Variants in SLC66A2 observed in about 807,000 individuals in gnomAD.
SLC66A2 encodes the protein PQ loop repeat containing 1.
SLC66A2 carries 23 observed loss-of-function variants against 25.5 expected under a neutral mutation model. The observed-to-expected ratio is 0.90, with a 90% confidence interval of 0.65 to 1.28. SLC66A2 has a LOEUF of 1.28. Among genes scored for constraint, SLC66A2 ranks in the 50% most tolerant of loss-of-function variants. The probability of loss-of-function intolerance (pLI) is 0.00; values close to 1 mark genes in which losing one functional copy is unlikely to be tolerated. For missense variants in SLC66A2, 396 were observed against 373.1 expected (o/e 1.06, Z -0.51); for synonymous variants, 193 against 166.5 (o/e 1.16, Z -1.23).
rs1274908635 is a variant in SLC66A2 at position 79,951,005 on chromosome 18, G to A, written c.-79C>T. 5 of 1,163,058 alleles carry A rather than the reference G, an allele frequency of 4.3e-6. No individual in the cohort carries two copies. Among genetic ancestry groups the A allele is most frequent in the African/African-American group, 1.6e-5 (1 of 60,826 alleles). 72.0% of individuals were successfully genotyped at this position (1,163,058 alleles called of 1,614,324 possible). A position where few individuals can be genotyped will look rare whatever the true frequency, so the allele number is the denominator to read the frequency against. ...GGCCGCCTGCTCATCGCCGCTCCGC[G>A]CGCTCCTGCGGCCTCGGGGCCTGCG... On this transcript the variant is annotated 5_prime_UTR_variant, in exon 2 of 6. Transcript: ENST00000397778.
intron 4 of SLC66A2, among the ~76,000 whole-genome samples, chr18:79,932,237 TAA>T (rs1339994078): frequency 6.6e-6 from 1 of 152,072 alleles, no homozygotes; most frequent in Non-Finnish European, 1.5e-5. Flanking sequence ...AGGATGCAGG[TAA>T]AGCACCTGCT....
chr18:79,904,769 C>T lies in SLC66A2; in HGVS notation c.609-586G>A, dbSNP rs8085241. 0.9 allele frequency among the ~76,000 whole-genome samples: 136,821 copies of T among 152,222 alleles called. 63,366 individuals carry two copies. Among genetic ancestry groups the T allele is most frequent in the East Asian group, 1 (5,176 of 5,176 alleles). On this transcript the variant is annotated intron_variant, in intron 5 of 5. Transcript: ENST00000397778. The surrounding 1 kb of genome is among the most constrained non-coding windows in gnomAD (Gnocchi z 6.3). The stretch of plus-strand genomic sequence containing the variant: ...AGGGAGCAGCCGCCACCCACCATCC[C>T]AGTCCGAACACGCTTCCCCCACCGC...
chr18:79,909,744 A>G (rs1599490382), intron 5 of SLC66A2, among the ~76,000 whole-genome samples: 1 of 74,520 alleles, frequency 1.3e-5, no homozygotes. Flanking sequence ...CCACCACCTC[A>G]CCAGAGTCCC....
At position 79,918,132 on chromosome 18, in the gene SLC66A2, C is replaced by T. The variant is rs879925486; in HGVS notation, c.608+1052G>A. On this transcript the variant is annotated intron_variant, in intron 5 of 5. Transcript: ENST00000397778. The surrounding 1 kb of genome is among the most constrained non-coding windows in gnomAD (Gnocchi z 4.0). ...GGCAACTGAACCTACACACAACCCCCGGCCCTCACACCTCTGCCCACACGC... is the reference window on the plus strand; with the variant it reads ...GGCAACTGAACCTACACACAACCCCTGGCCCTCACACCTCTGCCCACACGC... Among the ~76,000 whole-genome samples, 13 of 152,248 alleles carry T rather than the reference C, an allele frequency of 8.5e-5. No individual in the cohort carries two copies. In the South Asian group the frequency reaches 1.5e-3, roughly 17 times the overall value.
At chr18:79,942,892 C>CTG (rs1479936024) in intron 3 of SLC66A2, among the ~76,000 whole-genome samples, 1 of 152,194 alleles carries the variant, frequency 6.6e-6, no homozygotes, top group Non-Finnish European at 1.5e-5. Flanking sequence ...TTAACAAGGT[C>CTG]TGTGAGGAAG....
rs1017273749 is a variant in SLC66A2 at position 79,927,853 on chromosome 18, G to A, written c.391+6116C>T. On this transcript the variant is annotated intron_variant, in intron 4 of 5. Coordinates refer to ENST00000397778, the MANE Select transcript of SLC66A2 (RefSeq NM_025078.5). The surrounding 1 kb of genome is among the most constrained non-coding windows in gnomAD (Gnocchi z 6.2). Reference sequence around the variant, plus strand: ...AACCCAAGGCTGCCCAGACAGACAAGCGCTCACCGCCGCACTGCCCTAACA... The same window carrying A: ...AACCCAAGGCTGCCCAGACAGACAAACGCTCACCGCCGCACTGCCCTAACA... Among the ~76,000 whole-genome samples, 1 of 152,252 alleles carries A rather than the reference G, an allele frequency of 6.6e-6. No homozygotes were observed. The highest frequency in any genetic ancestry group is 1.5e-5 in the Non-Finnish European group (1 of 68,052).
At chr18:79,924,598 A>G (rs533077561) in intron 4 of SLC66A2, among the ~76,000 whole-genome samples, 6 of 152,332 alleles carry the variant, frequency 3.9e-5, no homozygotes, top group Admixed American at 2.6e-4. Flanking sequence ...TATGTAAATT[A>G]TATCTCTAAT....
chr18:79,926,200 GC>G (rs1201338443), intron 4 of SLC66A2, among the ~76,000 whole-genome samples: 6 of 152,238 alleles, frequency 3.9e-5, no homozygotes, highest in Non-Finnish European at 8.8e-5. Context: ...GCAACCAGCA[GC>G]CCTTGGGGCT....
rs773606862 is a variant in SLC66A2, at chr18:79,904,174, C to T, written c.618G>A (p.Met206Ile). 2 of 1,612,828 alleles carry T rather than the reference C, an allele frequency of 1.2e-6. No individual in the cohort carries two copies. Among genetic ancestry groups the T allele is most frequent in the South Asian group, 2.2e-5 (2 of 91,076 alleles). The change falls in exon 6 of 6, where the codon ATG (methionine) becomes ATA (isoleucine). Residue 206 changes from methionine (M) to isoleucine (I), a missense_variant. By Grantham distance (10) the Met-to-Ile change is conservative. Coordinates refer to ENST00000397778, the MANE Select transcript of SLC66A2 (RefSeq NM_025078.5). This position sits in a 1 kb window ranked among gnomAD's most constrained non-coding sequence, Gnocchi z 6.3. ...CGTCACCACTGGTCCACATGAGCAC[C>T]ATCTTGATGCTGTGGAGACACAAGC... ...HQSTEGMSIK[M>I]VLMWTSGDAF...
chr18:79,903,553 C>T lies in SLC66A2; in HGVS notation c.*423G>A, dbSNP rs889190664. 3.2e-5 allele frequency: 6 copies of T among 187,882 alleles called. No individual in the cohort carries two copies. The highest frequency in any genetic ancestry group is 1.7e-4 in the East Asian group (1 of 5,932). The allele number at this position is 187,882 out of a possible 1,614,324, so 11.6% of individuals were successfully genotyped here. A position where few individuals can be genotyped will look rare whatever the true frequency, so the allele number is the denominator to read the frequency against. On this transcript the variant is annotated 3_prime_UTR_variant, in exon 6 of 6. Transcript: ENST00000397778. ...GTGTCTGGCCAGGGTGTCACGGGGTCGAGGGCTCCGCTCACAGGCCTTACA... is the reference window on the plus strand; with the variant it reads ...GTGTCTGGCCAGGGTGTCACGGGGTTGAGGGCTCCGCTCACAGGCCTTACA...
intron 1 of SLC66A2, 112 bp downstream of exon 1, chr18:79,951,469 C>A: frequency 6.6e-6 from 1 of 152,392 alleles, no homozygotes; most frequent in Non-Finnish European, 1.5e-5. Flanking sequence ...GGCCGGGGAC[C>A]CCACAGGACC....
In SLC66A2 at chr18:79,904,673, C is replaced by G. The variant is rs970531963; in HGVS notation, c.609-490G>C. On this transcript the variant is annotated intron_variant, in intron 5 of 5. Transcript: ENST00000397778. The surrounding 1 kb of genome is among the most constrained non-coding windows in gnomAD (Gnocchi z 6.3). ...AGGCACACAGCCAAGTGGAGCAGAG[C>G]AGCTGCTTTTGGGTCTCTGCCGGCC... Among the ~76,000 whole-genome samples, 2 of 152,150 alleles carry G rather than the reference C, an allele frequency of 1.3e-5. No homozygotes were observed. The highest frequency in any genetic ancestry group is 4.1e-4 in the South Asian group (2 of 4,834).
Position 79,904,086 on chromosome 18 carries a change from G to A in SLC66A2, c.706C>T (p.Leu236=). The change falls in exon 6 of 6, where the codon CTG becomes TTG. Residue 236 remains leucine (L), a synonymous_variant. Coordinates refer to ENST00000397778, the MANE Select transcript of SLC66A2 (RefSeq NM_025078.5). The surrounding 1 kb of genome is among the most constrained non-coding windows in gnomAD (Gnocchi z 6.3). ...APLQFSVCGL[L]QVLVDLAILG... is the part of the protein sequence containing the mutation. The stretch of plus-strand genomic sequence containing the variant: ...ATGGCCAGGTCCACCAGCACCTGCA[G>A]CAGGCCGCACACGGAGAACTGCAGA... The A allele has an allele frequency of 6.2e-7, 1 of 1,612,680 alleles. No homozygotes were observed. The highest frequency in any genetic ancestry group is 8.5e-7 in the Non-Finnish European group (1 of 1,179,688).
chr18:79,911,249 C>T (rs946781765), intron 5 of SLC66A2, among the ~76,000 whole-genome samples: 1 of 152,224 alleles, frequency 6.6e-6, no homozygotes, highest in South Asian at 2.1e-4. Context: ...CCAGTGGGGG[C>T]CTGGACATCT....
At position 79,919,264 on chromosome 18, in the gene SLC66A2, G is replaced by A. The variant is rs1383554539; in HGVS notation, c.528C>T (p.Phe176=). Residue 176 remains phenylalanine (F), a synonymous_variant, in exon 5 of 6, where the codon TTC becomes TTT. Coordinates refer to ENST00000397778, the MANE Select transcript of SLC66A2 (RefSeq NM_025078.5). The part of the protein sequence containing the change: ...DSALFVETLG[F]LAVLTEAMLG... ...GCATGGCTTCGGTCAGCACAGCCAG[G>A]AAGCCCAGGGTCTCCACAAACAGGG... The A allele has an allele frequency of 6.2e-7, 1 of 1,613,364 alleles. No homozygotes were observed. Among genetic ancestry groups the A allele is most frequent in the Admixed American group, 1.7e-5 (1 of 60,018 alleles).
chr18:79,950,866 C>A lies in SLC66A2; in HGVS notation c.61G>T (p.Ala21Ser). 6.2e-7 allele frequency: 1 copy of A among 1,607,868 alleles called. No homozygotes were observed. The highest frequency in any genetic ancestry group is 1.1e-5 in the South Asian group (1 of 90,450). Residue 21 changes from alanine (A) to serine (S), a missense_variant, in exon 2 of 6, where the codon GCG becomes TCG. Ala to Ser is a moderately conservative substitution (Grantham distance 99). Transcript: ENST00000397778. ...CCTCCGAAGACCATGGCCGCGGCCG[C>A]GCCCCAGGACACCAGCTGGTGCAGT... is the stretch of plus-strand genomic sequence containing the variant. ...VPLHQLVSWG[A>S]AAAMVFGGVV...
At chr18:79,950,133 G>C (rs1055950824) in intron 2 of SLC66A2, among the ~76,000 whole-genome samples, 22 of 152,186 alleles carry the variant, frequency 1.4e-4, no homozygotes, top group African/African-American at 4.3e-4. Context: ...CTTGAGGCCA[G>C]GAGTTCGAGA....
intron 4 of SLC66A2, among the ~76,000 whole-genome samples, chr18:79,925,519 C>T (rs1568316489): frequency 6.6e-6 from 1 of 152,228 alleles, no homozygotes; most frequent in African/African-American, 2.4e-5. Flanking sequence ...CCCACCCTGG[C>T]ATGCACTGAG....
intron 2 of SLC66A2, chr18:79,943,800 G>C (rs758953513): frequency 3.1e-5 from 5 of 161,778 alleles, no homozygotes; most frequent in Non-Finnish European, 1.2e-5. Context: ...ATCCTGTGTC[G>C]GGAGGGAGGC....
Sources: allele counts gnomAD v4.1 joint callset (sites outside exome capture counted in the v4.1 genomes callset), GRCh38; gene constraint gnomAD v4.1.1; non-coding constraint Gnocchi (gnomAD v3.1); transcripts MANE v1.5; gene names NCBI Gene and HGNC (gene_info 2026-07-23, HGNC 2026-07-21).